Variants in L3MBTL4 observed in about 807,000 individuals in gnomAD.
L3MBTL4 encodes the protein L3MBTL histone methyl-lysine binding protein 4, also known as lethal(3)malignant brain tumor-like protein 4.
In L3MBTL4, 70 loss-of-function variants were observed where a neutral mutation model predicts 84.5. That is an observed-to-expected ratio of 0.83 (90% confidence interval 0.68 to 1.01). The LOEUF (loss-of-function observed/expected upper bound fraction) is 1.01. L3MBTL4 is among the 50% of genes least tolerant of loss of function. The probability of loss-of-function intolerance (pLI) is 0.00; values close to 1 mark genes in which losing one functional copy is unlikely to be tolerated. For synonymous variants in L3MBTL4, 274 were observed against 259.8 expected, an observed-to-expected ratio of 1.05 and a Z score of -0.52; for missense variants, 715 against 754.8, an observed-to-expected ratio of 0.95 and a Z score of 0.62.
chr18:6,122,605 G>A (rs1416223245), intron 14 of L3MBTL4, among the ~76,000 whole-genome samples: 2 of 152,198 alleles, frequency 1.3e-5, no homozygotes, highest in African/African-American at 4.8e-5. Context: ...CCCCAGCCAT[G>A]TGGAACTGTA....
At chr18:6,170,463 G>A (rs557321346) in intron 13 of L3MBTL4, among the ~76,000 whole-genome samples, 3 of 152,206 alleles carry the variant, frequency 2.0e-5, no homozygotes, top group Admixed American at 6.5e-5. Flanking sequence ...TCAAGAGGGA[G>A]CAGAGTCTGG....
intron 16 of L3MBTL4, among the ~76,000 whole-genome samples, chr18:6,016,229 G>A (rs1423802317): frequency 1.3e-5 from 2 of 152,124 alleles, no homozygotes; most frequent in Non-Finnish European, 2.9e-5. Context: ...AGCAGCAGGG[G>A]CACGGATGGA....
At chr18:6,149,100 A>T (rs2042776311) in intron 13 of L3MBTL4, among the ~76,000 whole-genome samples, 2 of 152,090 alleles carry the variant, frequency 1.3e-5, no homozygotes, top group South Asian at 4.1e-4. Flanking sequence ...CACAACATGC[A>T]GGCTTGTTAC....
intron 13 of L3MBTL4, among the ~76,000 whole-genome samples, chr18:6,165,391 A>G (rs1486294008): frequency 6.6e-6 from 1 of 152,196 alleles, no homozygotes; most frequent in East Asian, 1.9e-4. Flanking sequence ...AGATTCACCA[A>G]AGTTGAAATG....
intron 16 of L3MBTL4, among the ~76,000 whole-genome samples, chr18:5,971,685 C>G (rs1306993484): frequency 6.6e-6 from 1 of 152,160 alleles, no homozygotes; most frequent in Non-Finnish European, 1.5e-5. Context: ...GGAAAATTTC[C>G]CACACCATAA....
intron 1 of L3MBTL4, among the ~76,000 whole-genome samples, chr18:6,413,528 C>CT (rs1568626144): frequency 6.6e-6 from 1 of 152,220 alleles, no homozygotes; most frequent in Non-Finnish European, 1.5e-5. Context: ...AACAACTCTA[C>CT]TGTACCCACC....
intron 15 of L3MBTL4, among the ~76,000 whole-genome samples, chr18:6,086,759 A>T (rs11877143): frequency 0.41 from 61,668 of 151,990 alleles, 15,488 homozygotes; most frequent in African/African-American, 0.72. Flanking sequence ...CTGTCAACCA[A>T]CTGTGATTTT....
intron 16 of L3MBTL4, among the ~76,000 whole-genome samples, chr18:5,970,386 T>C (rs1198108834): frequency 6.6e-6 from 1 of 152,190 alleles, no homozygotes; most frequent in Admixed American, 6.5e-5. Context: ...CCCACACTTA[T>C]CAACAGCCTT....
intron 14 of L3MBTL4, among the ~76,000 whole-genome samples, chr18:6,112,415 T>C (rs1352759889): frequency 6.6e-6 from 1 of 152,196 alleles, no homozygotes; most frequent in Non-Finnish European, 1.5e-5. Flanking sequence ...CGGATAAGCA[T>C]GTCTTTAGGT....
At chr18:6,348,555 C>A (rs1401429960) in intron 1 of L3MBTL4, among the ~76,000 whole-genome samples, 2 of 151,922 alleles carry the variant, frequency 1.3e-5, no homozygotes, top group Non-Finnish European at 2.9e-5. Context: ...AAAAGGAAGT[C>A]CAGATGCATT....
At chr18:6,001,816 T>C (rs2054226843) in intron 16 of L3MBTL4, among the ~76,000 whole-genome samples, 1 of 152,112 alleles carries the variant, frequency 6.6e-6, no homozygotes, top group Non-Finnish European at 1.5e-5. Flanking sequence ...CAGACCAATA[T>C]ACACATTGCA....
intron 12 of L3MBTL4, among the ~76,000 whole-genome samples, chr18:6,196,157 CTTT>C (rs71370547): frequency 3.1e-5 from 4 of 130,200 alleles, no homozygotes; most frequent in Non-Finnish European, 4.7e-5. Flanking sequence ...TAGAGTTCCT[CTTT>C]TTTTTTTTTT....
intron 14 of L3MBTL4, 33 bp from the exon 15 acceptor site, chr18:6,093,561 A>C: frequency 6.4e-7 from 1 of 1,555,224 alleles, no homozygotes; most frequent in South Asian, 1.2e-5. Context: ...CACAGTCATC[A>C]GTATACAGTG....
At chr18:6,159,105 T>G (rs2043215139) in intron 13 of L3MBTL4, among the ~76,000 whole-genome samples, 1 of 152,182 alleles carries the variant, frequency 6.6e-6, no homozygotes, top group South Asian at 2.1e-4. Context: ...GTCATCTATT[T>G]TTGGGCTTTG....
intron 4 of L3MBTL4, among the ~76,000 whole-genome samples, chr18:6,265,447 A>G (rs2048588590): frequency 6.6e-6 from 1 of 152,260 alleles, no homozygotes; most frequent in Non-Finnish European, 1.5e-5. Context: ...GTAAAAATGT[A>G]CATCACAAAA....
intron 16 of L3MBTL4, among the ~76,000 whole-genome samples, chr18:5,977,265 CT>C (rs1336176481): frequency 1.3e-5 from 2 of 152,338 alleles, no homozygotes; most frequent in East Asian, 3.9e-4. Flanking sequence ...GCGGCTGTTC[CT>C]CCAGGCAGGC....
Position 6,143,966 on chromosome 18 carries a change from G to GAC in L3MBTL4, c.1097-5671_1097-5670insGT, listed in dbSNP as rs1263560501. On this transcript the variant is annotated intron_variant, in intron 13 of 18. Coordinates refer to ENST00000317931, the MANE Select transcript of L3MBTL4 (RefSeq NM_001330559.2). ...TAATCCCAGCATTTTGGGAGGCCAA[G>GAC]GGTGGCGGATCACAAGGTCAGGAGA... Among the ~76,000 whole-genome samples, 230 of 152,278 alleles carry GAC rather than the reference G, an allele frequency of 1.5e-3. 1 individual carries two copies. Among genetic ancestry groups the GAC allele is most frequent in the African/African-American group, 5.4e-3 (224 of 41,554 alleles).
At chr18:6,113,864 C>T (rs1489953645) in intron 14 of L3MBTL4, among the ~76,000 whole-genome samples, 2 of 152,208 alleles carry the variant, frequency 1.3e-5, no homozygotes, top group Non-Finnish European at 2.9e-5. Flanking sequence ...TGTACACTTG[C>T]ACAATGTTTG....
chr18:6,150,447 G>A (rs111787176), intron 13 of L3MBTL4, among the ~76,000 whole-genome samples: 91 of 149,078 alleles, frequency 6.1e-4, no homozygotes, highest in African/African-American at 1.7e-3. Context: ...ACACACACAC[G>A]CACATACACA....
Sources: allele counts gnomAD v4.1 joint callset (sites outside exome capture counted in the v4.1 genomes callset), GRCh38; gene constraint gnomAD v4.1.1; transcripts MANE v1.5; gene names NCBI Gene and HGNC (gene_info 2026-07-23, HGNC 2026-07-21).